The following CP variants were observed in gnomAD, a reference collection of about 807,000 sequenced individuals.
CP encodes ceruloplasmin, also known as caeruloplasmin.
In CP, 64 loss-of-function variants were observed where a neutral mutation model predicts 122.4. The observed-to-expected ratio is 0.52, with a 90% CI of 0.43 to 0.64. CP has a LOEUF of 0.64. Ranked by LOEUF, CP falls within the 30% of genes least tolerant of loss-of-function variation. The pLI is 0.00. For synonymous variants in CP, 440 were observed against 436.4 expected, an observed-to-expected ratio of 1.01 and a Z score of -0.10; for missense variants, 1,167 against 1,284.4, an observed-to-expected ratio of 0.91 and a Z score of 1.40.
At chr3:149,162,857 A>G (rs199635046) in exon 6 of CP, 1 of 1,613,842 alleles carries the variant, frequency 6.2e-7, no homozygotes, top group African/African-American at 1.3e-5. Context: ...ACACCACACC[A>G]TTGCGAACAT....
chr3:149,178,649 C>G lies in CP; in HGVS notation c.2662-18G>C. 1 of 1,536,022 alleles carries G rather than the reference C, an allele frequency of 6.5e-7. No individual in the cohort carries two copies. The highest frequency in any genetic ancestry group is 9.0e-7 in the Non-Finnish European group (1 of 1,113,580). Reference sequence around the variant, plus strand: ...TAGAGGTCCTGGAAACAAGAAAAATCTTCAGTAACCCTTGTGAATTAGGTC... The same window carrying G: ...TAGAGGTCCTGGAAACAAGAAAAATGTTCAGTAACCCTTGTGAATTAGGTC... On this transcript the variant is annotated intron_variant, in intron 15 of 18. Coordinates refer to ENST00000264613, the MANE Select transcript of CP (RefSeq NM_000096.4).
chr3:149,211,575 T>C (rs966474500), intron 2 of CP, among the ~76,000 whole-genome samples: 1 of 152,236 alleles, frequency 6.6e-6, no homozygotes, highest in Non-Finnish European at 1.5e-5. Flanking sequence ...TTCCAAGTCC[T>C]ACATTCAAAT....
chr3:149,163,881 G>A (rs764013864), intron 5 of CP: 1 of 1,585,120 alleles, frequency 6.3e-7, no homozygotes, highest in East Asian at 2.2e-5. Flanking sequence ...TTATCCATGG[G>A]TTCACGTCGT....
chr3:149,180,178 G>A (rs533033473), intron 14 of CP: 6 of 167,180 alleles, frequency 3.6e-5, no homozygotes, highest in South Asian at 3.0e-4. Flanking sequence ...GATTCCTGGC[G>A]AGGAGCCGTT....
rs34237139 is a variant in CP at position 149,202,175 on chromosome 3, A to G, written c.1275T>C (p.Tyr425=). 1,457 of 1,614,174 alleles carry G rather than the reference A, an allele frequency of 9.0e-4. 11 individuals are homozygous for G. In the African/African-American group the frequency reaches 0.016, roughly 18 times the overall value. Reference sequence around the variant, plus strand: ...TGAAGGAGGCATCTGTGTACTCACGATAAACCAGCTTTTTATAAGAGCCTC... The same window carrying G: ...TGAAGGAGGCATCTGTGTACTCACGGTAAACCAGCTTTTTATAAGAGCCTC... The part of the protein sequence containing the change: ...RIGGSYKKLV[Y]REYTDASFTN... The change falls in exon 7 of 19, where the codon TAT becomes TAC. Residue 425 remains tyrosine (Y), a synonymous_variant. Transcript: ENST00000264613.
intron 15 of CP, among the ~76,000 whole-genome samples, chr3:149,179,181 C>T (rs562600865): frequency 4.6e-5 from 7 of 152,144 alleles, no homozygotes; most frequent in Non-Finnish European, 5.9e-5. Context: ...ATTTGCCTCA[C>T]GTATTACAAC....
chr3:149,162,503 C>A, exon 6 of CP: 2 of 908,616 alleles, frequency 2.2e-6, no homozygotes, highest in Non-Finnish European at 1.7e-6. Context: ...TCTGTAGAAA[C>A]TTTATTTGTA....
chr3:149,217,600 T>C (rs947997960), intron 1 of CP, among the ~76,000 whole-genome samples: 4 of 152,312 alleles, frequency 2.6e-5, no homozygotes, highest in African/African-American at 4.8e-5. Flanking sequence ...CTTGTGGTCT[T>C]AGGGCACCCA....
chr3:149,217,767 A>C (rs1410915447), intron 1 of CP: 1 of 199,068 alleles, frequency 5.0e-6, no homozygotes, highest in Non-Finnish European at 1.1e-5. Flanking sequence ...TATAATGGAA[A>C]AAAAGTAACT....
At chr3:149,202,065 A>G (rs778018015) in intron 7 of CP, 37 bp downstream of exon 7, 2 of 1,613,746 alleles carry the variant, frequency 1.2e-6, no homozygotes, top group Non-Finnish European at 1.7e-6. Flanking sequence ...GCCCATGGGA[A>G]GAGTAAACCA....
chr3:149,178,415 C>A lies in CP; in HGVS notation c.2878G>T (p.Ala960Ser). Residue 960 changes from alanine (A) to serine (S), a missense_variant and splice_region_variant, in exon 16 of 19, where the codon GCT (alanine) becomes TCT (serine). Around this residue, in one of 2 missense-constraint regions of CP, gnomAD observed 525 missense variants for 657.2 expected, o/e 0.80. Transcript: ENST00000264613. ...ATTGTTTTAGAATAATGTGACATAC[C>A]ATGCATTTTATTGCTTTCTATGAAT... ...EEFIESNKMH[A>S]INGRMFGNLQ... The A allele has an allele frequency of 1.3e-6, 2 of 1,576,772 alleles. No individual in the cohort carries two copies. The highest frequency in any genetic ancestry group is 1.7e-6 in the Non-Finnish European group (2 of 1,146,922).
chr3:149,208,655 A>G (rs1387090453), intron 4 of CP, among the ~76,000 whole-genome samples: 2 of 152,180 alleles, frequency 1.3e-5, no homozygotes, highest in Non-Finnish European at 2.9e-5. Flanking sequence ...AGATAATCTT[A>G]CTAAGCTCAT....
At chr3:149,198,231 T>G (rs1294672219) in intron 9 of CP, 136 bp downstream of exon 9, 1 of 669,442 alleles carries the variant, frequency 1.5e-6, no homozygotes, top group Non-Finnish European at 2.6e-6. Context: ...GTGGGCATTT[T>G]TAAAGAAGTC....
intron 4 of CP, among the ~76,000 whole-genome samples, chr3:149,208,744 A>G (rs985621575): frequency 6.6e-6 from 1 of 152,208 alleles, no homozygotes; most frequent in African/African-American, 2.4e-5. Flanking sequence ...ACTGAAATGT[A>G]GAAACGAATG....
intron 12 of CP, among the ~76,000 whole-genome samples, chr3:149,184,028 C>CTTTTTTTTTTTTTTTT (rs869206210): frequency 1.1e-4 from 7 of 63,620 alleles, no homozygotes; most frequent in Non-Finnish European, 2.0e-4. Context: ...TCACTTACTT[C>CTTTTTTTTTTTTTTTT]TTTTTTTTTT....
In CP at chr3:149,166,411, C is replaced by G. The variant is rs73166816; in HGVS notation, c.587-361G>C. ...AGGCTTTGTTGTCCCATCCTGTGTG[C>G]TGTTTCAAATTGCCATGCTCTTCCG... On this transcript the variant is annotated intron_variant, in intron 4 of 5. Coordinates refer to the CP transcript ENST00000479771. 3.8e-3 allele frequency among the ~76,000 whole-genome samples: 576 copies of G among 152,280 alleles called. 3 individuals are homozygous for G. The highest frequency in any genetic ancestry group is 6.4e-3 in the Non-Finnish European group (437 of 68,020).
chr3:149,168,146 T>C, downstream of CP: 1 of 610,532 alleles, frequency 1.6e-6, no homozygotes, highest in Middle Eastern at 4.5e-4. Context: ...CCCTTGACAT[T>C]TGATATTGAT....
chr3:149,184,987 A>T (rs971135991), intron 12 of CP, among the ~76,000 whole-genome samples: 1 of 152,164 alleles, frequency 6.6e-6, no homozygotes, highest in Non-Finnish European at 1.5e-5. Context: ...GTGAGAAGAC[A>T]CTCCAGTAGA....
chr3:149,199,846 T>G lies in CP; in HGVS notation c.1367A>C (p.Glu456Ala). Residue 456 changes from glutamate to alanine, a missense_variant, in exon 8 of 19, where the codon GAG (glutamate) becomes GCG (alanine). Physicochemically the swap from Glu to Ala is moderately radical, Grantham distance 107. Transcript: ENST00000264613. ...LGILGPVIWA[E>A]VGDTIRVTFH... ...GGTTACTCTGATGGTGTCTCCCACCTCTGCCCAAATGACAGGACCTGGGAA... is the reference window on the plus strand; with the variant it reads ...GGTTACTCTGATGGTGTCTCCCACCGCTGCCCAAATGACAGGACCTGGGAA... The G allele has an allele frequency of 1.2e-6, 2 of 1,614,120 alleles. No homozygotes were observed. Among genetic ancestry groups the G allele is most frequent in the Non-Finnish European group, 1.7e-6 (2 of 1,179,952 alleles).
Sources: gnomAD v4.1 joint callset for allele counts (sites outside exome capture counted in the v4.1 genomes callset) on GRCh38, gnomAD v4.1.1 for gene constraint, gnomAD v4.1.1 regional missense constraint, MANE v1.5 for transcripts, NCBI Gene and HGNC (gene_info 2026-07-23, HGNC 2026-07-21) for gene names.